TMPRSS12: variants seen among roughly 807,000 people sequenced by gnomAD.
TMPRSS12 encodes transmembrane protease serine 12.
In TMPRSS12, 25 loss-of-function variants were observed where a neutral mutation model predicts 26.0. That is an observed-to-expected ratio of 0.96 (90% CI 0.70 to 1.34). The LOEUF (loss-of-function observed/expected upper bound fraction) is 1.34. Among genes scored for constraint, TMPRSS12 ranks in the 40% most tolerant of loss-of-function variants. The pLI is 0.00. For synonymous variants in TMPRSS12, 150 were observed against 161.7 expected (o/e 0.93, Z 0.55); for missense variants, 441 against 440.1 (o/e 1.00, Z -0.02).
intron 2 of TMPRSS12, among the ~76,000 whole-genome samples, chr12:50,850,370 G>A (rs992073797): frequency 6.6e-6 from 1 of 152,154 alleles, no homozygotes; most frequent in South Asian, 2.1e-4. Flanking sequence ...CTTAAGGCCA[G>A]GAGTTCAAGA....
rs534120169 is a variant in TMPRSS12 at position 50,844,938 on chromosome 12, A to G, written c.383+901A>G. ...ATGTTGGCTCATATTTGTTATCCCAATGCTTTGGGAAGCCAAGACGGGAGG... is the reference window on the plus strand; with the variant it reads ...ATGTTGGCTCATATTTGTTATCCCAGTGCTTTGGGAAGCCAAGACGGGAGG... On this transcript the variant is annotated intron_variant, in intron 2 of 4. Coordinates refer to ENST00000398458, the MANE Select transcript of TMPRSS12 (RefSeq NM_182559.3). Among the ~76,000 whole-genome samples, 80 of 152,294 alleles carry G rather than the reference A, an allele frequency of 5.3e-4. No individual in the cohort carries two copies. The South Asian group carries it at 0.016, about 30-fold the overall frequency.
chr12:50,886,728 G>T (rs898321382), intron 4 of TMPRSS12: 3 of 153,272 alleles, frequency 2.0e-5, no homozygotes, highest in Admixed American at 1.3e-4. Context: ...CTACTGAGAG[G>T]CTTTGCCATT....
intron 2 of TMPRSS12, among the ~76,000 whole-genome samples, chr12:50,858,041 A>G (rs941112825): frequency 1.3e-5 from 2 of 152,064 alleles, no homozygotes; most frequent in East Asian, 1.9e-4. Context: ...ACAGGGTTTC[A>G]CCATGTTAGC....
At chr12:50,883,574 C>G (rs1021763945) in intron 3 of TMPRSS12, among the ~76,000 whole-genome samples, 1 of 152,068 alleles carries the variant, frequency 6.6e-6, no homozygotes, top group Non-Finnish European at 1.5e-5. Context: ...ATCCCAGCTA[C>G]TTGGAAACTA....
In TMPRSS12 at chr12:50,858,499, A is replaced by G. The variant is rs77759593; in HGVS notation, c.384-286A>G. Among the ~76,000 whole-genome samples, 672 of 152,312 alleles carry G rather than the reference A, an allele frequency of 4.4e-3. 3 individuals are homozygous for G. The highest frequency in any genetic ancestry group is 0.028 in the South Asian group (133 of 4,828). The stretch of plus-strand genomic sequence containing the variant: ...TCTTTTCAAACAGCTAGTTGCCCCA[A>G]TACCACATATTGAATAATTCATTCT... On this transcript the variant is annotated intron_variant, in intron 2 of 4. Transcript: ENST00000398458.
At chr12:50,849,913 C>T (rs903275253) in intron 2 of TMPRSS12, among the ~76,000 whole-genome samples, 1 of 151,176 alleles carries the variant, frequency 6.6e-6, no homozygotes, top group Non-Finnish European at 1.5e-5. Flanking sequence ...TAAACCCCCT[C>T]CCTCCTTCAT....
intron 3 of TMPRSS12, among the ~76,000 whole-genome samples, chr12:50,877,626 A>T (rs1035700689): frequency 2.0e-5 from 3 of 152,226 alleles, no homozygotes; most frequent in Non-Finnish European, 2.9e-5. Context: ...TTTTTGAGAC[A>T]GTCTCACTCT....
At position 50,887,693 on chromosome 12, in the gene TMPRSS12, T is replaced by G; in HGVS notation, c.*180T>G. 1.6e-6 allele frequency: 1 copy of G among 632,588 alleles called. No homozygotes were observed. The highest frequency in any genetic ancestry group is 2.6e-6 in the Non-Finnish European group (1 of 387,664). The allele number at this position is 632,588 out of a possible 1,614,324, so 39.2% of individuals were successfully genotyped here. On this transcript the variant is annotated 3_prime_UTR_variant, in exon 5 of 5. Transcript: ENST00000398458. ...ATTGTAATTTTGGCACTGAATCACA[T>G]GTCTCCTTGAAATATCTTGATTATT...
intron 2 of TMPRSS12, among the ~76,000 whole-genome samples, chr12:50,855,115 A>G (rs1937863321): frequency 6.6e-6 from 1 of 152,230 alleles, no homozygotes; most frequent in South Asian, 2.1e-4. Context: ...AAAAACAGAC[A>G]CACAGACCAA....
chr12:50,875,417 G>A (rs1425106952), intron 3 of TMPRSS12, among the ~76,000 whole-genome samples: 6 of 147,056 alleles, frequency 4.1e-5, no homozygotes, highest in Non-Finnish European at 8.9e-5. Flanking sequence ...CTTGAACGTG[G>A]AAGGGGAGGT....
chr12:50,875,595 T>C (rs1242581652), intron 3 of TMPRSS12, among the ~76,000 whole-genome samples: 2 of 148,728 alleles, frequency 1.3e-5, no homozygotes, highest in Non-Finnish European at 3.0e-5. Context: ...TAGAACAGAA[T>C]AGACATCCCA....
intron 2 of TMPRSS12, among the ~76,000 whole-genome samples, chr12:50,849,586 C>G (rs1937805746): frequency 6.6e-6 from 1 of 152,070 alleles, no homozygotes; most frequent in South Asian, 2.1e-4. Context: ...TTGTCTATCC[C>G]TTACAGTTTT....
At chr12:50,871,555 A>C (rs1938042583) in intron 3 of TMPRSS12, among the ~76,000 whole-genome samples, 1 of 152,232 alleles carries the variant, frequency 6.6e-6, no homozygotes, top group South Asian at 2.1e-4. Flanking sequence ...CATGACCAAG[A>C]AGCCAAAAGC....
Position 50,842,985 on chromosome 12 carries a change from C to A in TMPRSS12, c.21C>A (p.Ser7Arg), listed in dbSNP as rs766394334. 5.0e-6 allele frequency: 8 copies of A among 1,595,430 alleles called. No individual in the cohort carries two copies. The highest frequency in any genetic ancestry group is 6.8e-6 in the Non-Finnish European group (8 of 1,170,708). MRLGLL[S>R]VALLFVGSSH... ...CCAAAATGCGGCTGGGGCTCCTGAG[C>A]GTGGCGCTGTTGTTTGTGGGGAGCT... is the stretch of plus-strand genomic sequence containing the variant. Residue 7 changes from serine (S) to arginine (R), a missense_variant, in exon 1 of 5, where the codon AGC becomes AGA. Coordinates refer to ENST00000398458, the MANE Select transcript of TMPRSS12 (RefSeq NM_182559.3).
intron 3 of TMPRSS12, among the ~76,000 whole-genome samples, chr12:50,870,961 G>A (rs1938037240): frequency 6.6e-6 from 1 of 151,964 alleles, no homozygotes; most frequent in Non-Finnish European, 1.5e-5. Context: ...ACAAACAAAT[G>A]GAAACACATC....
At chr12:50,885,150 A>G (rs116945411) in intron 3 of TMPRSS12, 96 bp from the exon 4 acceptor site, 18,079 of 1,077,262 alleles carry the variant, frequency 0.017, 206 homozygotes, top group Middle Eastern at 0.02. Context: ...TAATTATTGC[A>G]TCAGTCACTT....
chr12:50,871,285 T>C (rs1938040021), intron 3 of TMPRSS12, among the ~76,000 whole-genome samples: 1 of 151,906 alleles, frequency 6.6e-6, no homozygotes. Flanking sequence ...AACCCAGAAA[T>C]AAACCCAAAT....
intron 3 of TMPRSS12, among the ~76,000 whole-genome samples, chr12:50,870,334 G>A (rs1022558124): frequency 4.6e-4 from 9 of 19,364 alleles, no homozygotes; most frequent in Admixed American, 1.8e-3. Flanking sequence ...TACATACACA[G>A]AATTAAAAAA....
chr12:50,882,797 A>G (rs967801882), intron 3 of TMPRSS12, among the ~76,000 whole-genome samples: 2 of 53,444 alleles, frequency 3.7e-5, no homozygotes, highest in Non-Finnish European at 4.3e-5. Context: ...AAAATAAAAA[A>G]CCAGAACTCA....
Sources: gnomAD v4.1 joint callset for allele counts (sites outside exome capture counted in the v4.1 genomes callset) on GRCh38, gnomAD v4.1.1 for gene constraint, MANE v1.5 for transcripts, NCBI Gene and HGNC (gene_info 2026-07-23, HGNC 2026-07-21) for gene names.